Variants in ARHGAP31 observed in about 807,000 individuals in gnomAD.
ARHGAP31 encodes rho GTPase-activating protein 31.
ARHGAP31 carries 34 observed loss-of-function variants against 113.9 expected under a neutral mutation model. The observed-to-expected ratio is 0.30, with a 90% confidence interval of 0.23 to 0.40. The LOEUF (loss-of-function observed/expected upper bound fraction) is 0.40. ARHGAP31 is among the 10% of genes least tolerant of loss of function. The pLI, the probability that ARHGAP31 is intolerant of heterozygous loss-of-function variation, is 1.00. For synonymous variants in ARHGAP31, 650 were observed against 684.8 expected, an observed-to-expected ratio of 0.95 and a Z score of 0.79; for missense variants, 1,548 against 1,767.1, an observed-to-expected ratio of 0.88 and a Z score of 2.22.
chr3:119,311,171 C>T (rs371135626), intron 1 of ARHGAP31, among the ~76,000 whole-genome samples: 1 of 152,222 alleles, frequency 6.6e-6, no homozygotes, highest in Non-Finnish European at 1.5e-5. Context: ...CCTCTCACTT[C>T]CAACCGCTGT....
In ARHGAP31 at chr3:119,415,538, C is replaced by G; in HGVS notation, c.3609C>G (p.Ile1203Met). The G allele has an allele frequency of 6.2e-7, 1 of 1,614,170 alleles. No homozygotes were observed. The highest frequency in any genetic ancestry group is 8.5e-7 in the Non-Finnish European group (1 of 1,180,032). The part of the protein sequence containing the change: ...KMCQARAVPV[I>M]PPKIQYTQIP... ...GCCAGGCCAGGGCGGTCCCAGTCAT[C>G]CCTCCCAAGATTCAGTACACCCAGA... is the stretch of plus-strand genomic sequence containing the variant. The change falls in exon 12 of 12, where the codon ATC becomes ATG. Residue 1203 changes from isoleucine (I) to methionine (M), a missense_variant. Physicochemically the swap from Ile to Met is conservative, Grantham distance 10. Coordinates refer to ENST00000264245, the MANE Select transcript of ARHGAP31 (RefSeq NM_020754.4).
At chr3:119,390,161 T>G (rs2080491244) in intron 6 of ARHGAP31, among the ~76,000 whole-genome samples, 1 of 150,816 alleles carries the variant, frequency 6.6e-6, no homozygotes, top group Non-Finnish European at 1.5e-5. Context: ...AAAAAAAAAA[T>G]GCCATAGAAT....
intron 4 of ARHGAP31, 107 bp from the exon 5 acceptor site, chr3:119,382,185 A>T: frequency 1.8e-6 from 2 of 1,081,890 alleles, no homozygotes; most frequent in South Asian, 2.6e-5. Flanking sequence ...TCATTAAAAT[A>T]GAAATATTTA....
At position 119,383,113 on chromosome 3, in the gene ARHGAP31, A is replaced by G. The variant is rs1304444094; in HGVS notation, c.569A>G (p.Asn190Ser). Residue 190 changes from asparagine to serine, a missense_variant, in exon 6 of 12, where the codon AAT becomes AGT. Coordinates refer to ENST00000264245, the MANE Select transcript of ARHGAP31 (RefSeq NM_020754.4). ...AAAGAAATTGAAGCCACTGGTTGCA[A>G]TGGAGATGCAGCCTTCCTTGCAGTC... is the stretch of plus-strand genomic sequence containing the variant. ...RSKEIEATGCNGDAAFLAVRV... is the reference protein window; with the variant it reads ...RSKEIEATGCSGDAAFLAVRV... 4 of 1,614,204 alleles carry G rather than the reference A, an allele frequency of 2.5e-6. No individual in the cohort carries two copies. The highest frequency in any genetic ancestry group is 1.7e-4 in the Middle Eastern group (1 of 6,048).
At chr3:119,321,850 G>C (rs982218159) in intron 1 of ARHGAP31, among the ~76,000 whole-genome samples, 1 of 152,046 alleles carries the variant, frequency 6.6e-6, no homozygotes, top group Non-Finnish European at 1.5e-5. Context: ...ACGGGGTTTC[G>C]CCATGTTGGC....
At chr3:119,364,909 A>G (rs2080240355) in intron 1 of ARHGAP31, among the ~76,000 whole-genome samples, 1 of 152,170 alleles carries the variant, frequency 6.6e-6, no homozygotes, top group Non-Finnish European at 1.5e-5. Context: ...CCTGGTCAAC[A>G]TGGCGAAACC....
intron 1 of ARHGAP31, among the ~76,000 whole-genome samples, chr3:119,356,653 A>G (rs1243007116): frequency 3.9e-5 from 6 of 152,012 alleles, no homozygotes; most frequent in Admixed American, 3.9e-4. Context: ...AAAAAAAAAG[A>G]AAAAACAACC....
intron 3 of ARHGAP31, among the ~76,000 whole-genome samples, chr3:119,379,044 T>TA (rs1337011459): frequency 6.6e-6 from 1 of 152,190 alleles, no homozygotes; most frequent in East Asian, 1.9e-4. Flanking sequence ...TGGATTGCCT[T>TA]AAAAAATGGT....
Position 119,414,959 on chromosome 3 carries a change from C to G in ARHGAP31, c.3030C>G (p.Phe1010Leu). 1 of 1,614,192 alleles carries G rather than the reference C, an allele frequency of 6.2e-7. No homozygotes were observed. The change falls in exon 12 of 12, where the codon TTC becomes TTG. Residue 1010 changes from phenylalanine to leucine, a missense_variant. Phe to Leu is a conservative substitution (Grantham distance 22). Transcript: ENST00000264245. Reference sequence around the variant, plus strand: ...AAGCCCTGAGGTCCTTCAGAGAGTTCTCTGGCCTGAAAGGGGCAGAGGCTC... The same window carrying G: ...AAGCCCTGAGGTCCTTCAGAGAGTTGTCTGGCCTGAAAGGGGCAGAGGCTC... ...DEKALRSFREFSGLKGAEAPP... is the reference protein window; with the variant it reads ...DEKALRSFRELSGLKGAEAPP...
At chr3:119,318,313 T>C (rs1372620236) in intron 1 of ARHGAP31, among the ~76,000 whole-genome samples, 1 of 152,198 alleles carries the variant, frequency 6.6e-6, no homozygotes, top group Non-Finnish European at 1.5e-5. Flanking sequence ...ATGCTAGGTC[T>C]AATGGTTTTT....
intron 1 of ARHGAP31, among the ~76,000 whole-genome samples, chr3:119,344,968 G>A (rs1003327604): frequency 6.7e-6 from 1 of 150,004 alleles, no homozygotes. Context: ...TTTTTTTGCT[G>A]GTGGGATTTT....
intron 3 of ARHGAP31, among the ~76,000 whole-genome samples, chr3:119,375,499 C>T (rs751654283): frequency 3.9e-5 from 6 of 152,314 alleles, no homozygotes; most frequent in African/African-American, 7.2e-5. Flanking sequence ...TGTCCCCACT[C>T]GACATCCTTA....
intron 1 of ARHGAP31, chr3:119,330,082 A>G: frequency 5.6e-6 from 5 of 891,722 alleles, no homozygotes; most frequent in Non-Finnish European, 6.7e-6. Flanking sequence ...TGATTGTTTG[A>G]ACTGATCTAA....
intron 3 of ARHGAP31, among the ~76,000 whole-genome samples, chr3:119,368,757 T>C (rs908773460): frequency 4.6e-5 from 7 of 152,234 alleles, no homozygotes; most frequent in Admixed American, 1.3e-4. Flanking sequence ...ATTATCTCCA[T>C]GTTTATTCAA....
intron 1 of ARHGAP31, among the ~76,000 whole-genome samples, chr3:119,318,203 G>A (rs1261796308): frequency 2.0e-5 from 3 of 152,154 alleles, no homozygotes; most frequent in Non-Finnish European, 4.4e-5. Context: ...CCAGGAAGTC[G>A]AGGCTGCAGT....
intron 8 of ARHGAP31, among the ~76,000 whole-genome samples, chr3:119,395,457 C>G (rs773561128): frequency 2.0e-5 from 3 of 152,210 alleles, no homozygotes; most frequent in South Asian, 2.1e-4. Context: ...GCTGTGTCCC[C>G]CTTTGGGTCA....
rs528666010 is a variant in ARHGAP31, at chr3:119,420,531, G to A, written c.*4267G>A. The A allele has an allele frequency of 8.0e-5, 12 of 149,452 alleles. No homozygotes were observed. The highest frequency in any genetic ancestry group is 1.5e-4 in the Non-Finnish European group (10 of 67,026). The allele number at this position is 149,452 out of a possible 1,614,324, so 9.3% of individuals were successfully genotyped here. A position where few individuals can be genotyped will look rare whatever the true frequency, so the allele number is the denominator to read the frequency against. On this transcript the variant is annotated 3_prime_UTR_variant, in exon 12 of 12. Transcript: ENST00000264245. ...ACTGTGTAGATCATTTAGTAATCTT[G>A]AGGTACATTAATAATGCAGAGATTA...
intron 1 of ARHGAP31, among the ~76,000 whole-genome samples, chr3:119,351,169 C>T (rs918725604): frequency 6.6e-6 from 1 of 152,126 alleles, no homozygotes; most frequent in Non-Finnish European, 1.5e-5. Flanking sequence ...CTGGAAGATA[C>T]CTAGGGGAAT....
intron 1 of ARHGAP31, among the ~76,000 whole-genome samples, chr3:119,301,085 C>T (rs2079580024): frequency 6.6e-6 from 1 of 152,206 alleles, no homozygotes; most frequent in African/African-American, 2.4e-5. Flanking sequence ...CGAGCTGTAA[C>T]TTACTCTGTG....
Sources: gnomAD v4.1 joint callset for allele counts (sites outside exome capture counted in the v4.1 genomes callset) on GRCh38, gnomAD v4.1.1 for gene constraint, MANE v1.5 for transcripts, NCBI Gene and HGNC (gene_info 2026-07-23, HGNC 2026-07-21) for gene names.